NLGN1: variants seen among roughly 807,000 people sequenced by gnomAD.
The protein encoded by NLGN1 is neuroligin-1.
NLGN1 carries 12 observed loss-of-function variants against 65.5 expected under a neutral mutation model. The ratio of observed to expected loss-of-function variants is 0.18; its 90% CI spans 0.12 to 0.30. NLGN1 has a LOEUF of 0.30. Among genes scored for constraint, NLGN1 ranks in the 10% least tolerant of loss-of-function variants. NLGN1 has a pLI of 1.00. For synonymous variants in NLGN1, 350 were observed against 359.5 expected (o/e 0.97, Z 0.30); for missense variants, 750 against 1,007.1 (o/e 0.74, Z 3.46).
At position 174,077,188 on chromosome 3, in the gene NLGN1, G is replaced by GA. The variant is rs536006220; in HGVS notation, c.647-198116dup. ...CAGATAAAAATATATTTCTTTCCAGGAAAAAAAAAAACCTATTCCCACTTT... is the reference window on the plus strand; with the variant it reads ...CAGATAAAAATATATTTCTTTCCAGGAAAAAAAAAAAACCTATTCCCACTTT... On this transcript the variant is annotated intron_variant, in intron 4 of 6. Transcript: ENST00000457714. 2.8e-3 allele frequency among the ~76,000 whole-genome samples: 410 copies of GA among 144,394 alleles called. 1 individual carries two copies. The highest frequency in any genetic ancestry group is 8.8e-3 in the African/African-American group (349 of 39,688). 94.7% of individuals were successfully genotyped at this position (144,394 alleles called of 152,430 possible).
intron 2 of NLGN1, among the ~76,000 whole-genome samples, chr3:173,518,919 C>T (rs1273033927): frequency 1.3e-5 from 2 of 152,088 alleles, no homozygotes; most frequent in Non-Finnish European, 2.9e-5. Flanking sequence ...CACAGCAGCC[C>T]CTCTTTACAG....
At chr3:174,144,686 A>T (rs561662951) in intron 4 of NLGN1, among the ~76,000 whole-genome samples, 1 of 152,100 alleles carries the variant, frequency 6.6e-6, no homozygotes, top group East Asian at 1.9e-4. Context: ...GCTTTTTTTC[A>T]TATGTTTGTT....
intron 4 of NLGN1, among the ~76,000 whole-genome samples, chr3:174,272,918 T>G (rs754207311): frequency 1.3e-4 from 19 of 151,642 alleles, no homozygotes; most frequent in Non-Finnish European, 1.9e-4. Flanking sequence ...TGAACTGAAT[T>G]TATTTTCTTT....
At chr3:173,574,062 C>CAAAAAAAAAAAAAAAAA (rs1192427397) in intron 2 of NLGN1, among the ~76,000 whole-genome samples, 1 of 51,914 alleles carries the variant, frequency 1.9e-5, no homozygotes, top group Non-Finnish European at 3.6e-5. Flanking sequence ...GACTCCACCT[C>CAAAAAAAAAAAAAAAAA]AAAAAAAAAA....
chr3:174,253,599 T>C (rs1297371250), intron 4 of NLGN1, among the ~76,000 whole-genome samples: 2 of 152,180 alleles, frequency 1.3e-5, no homozygotes, highest in Non-Finnish European at 2.9e-5. Flanking sequence ...CAGGAAAATA[T>C]AATGCTTAGT....
Position 173,937,699 on chromosome 3 carries a change from A to G in NLGN1, c.646+129867A>G, listed in dbSNP as rs76316515. On this transcript the variant is annotated intron_variant, in intron 4 of 6. Transcript: ENST00000457714. ...TACTAATCACTTGACAAGTGATTTTATTTATGTCATCTGTAACATCTTTGC... is the reference window on the plus strand; with the variant it reads ...TACTAATCACTTGACAAGTGATTTTGTTTATGTCATCTGTAACATCTTTGC... 1.0e-3 allele frequency among the ~76,000 whole-genome samples: 152 copies of G among 152,234 alleles called. 2 individuals are homozygous for G. In the East Asian group the frequency reaches 0.025, roughly 25 times the overall value.
intron 4 of NLGN1, among the ~76,000 whole-genome samples, chr3:174,210,862 C>T (rs1187575203): frequency 6.6e-6 from 1 of 152,176 alleles, no homozygotes; most frequent in Non-Finnish European, 1.5e-5. Flanking sequence ...GGTTTAGATA[C>T]ACAAATACTT....
At chr3:174,199,936 T>C (rs1000945285) in intron 4 of NLGN1, among the ~76,000 whole-genome samples, 1 of 152,232 alleles carries the variant, frequency 6.6e-6, no homozygotes, top group African/African-American at 2.4e-5. Flanking sequence ...AGCCCACAGT[T>C]ATAGCCAAGT....
intron 4 of NLGN1, among the ~76,000 whole-genome samples, chr3:174,072,757 G>GGA (rs2152536864): frequency 6.6e-6 from 1 of 152,094 alleles, no homozygotes; most frequent in African/African-American, 2.4e-5. Flanking sequence ...GATTCGTTTT[G>GGA]GAGCCCCCCT....
chr3:173,645,577 A>C (rs755313743), intron 3 of NLGN1, among the ~76,000 whole-genome samples: 33 of 152,216 alleles, frequency 2.2e-4, no homozygotes, highest in Admixed American at 4.6e-4. Flanking sequence ...AGTCAGGCCG[A>C]GATGGGCCTT....
At chr3:173,452,046 A>ATG (rs1721655459) in intron 2 of NLGN1, among the ~76,000 whole-genome samples, 1 of 152,168 alleles carries the variant, frequency 6.6e-6, no homozygotes. Context: ...GCTCACGCAC[A>ATG]GTGCACTGCA....
intron 3 of NLGN1, among the ~76,000 whole-genome samples, chr3:173,615,004 G>A (rs1752845739): frequency 6.6e-6 from 1 of 152,046 alleles, no homozygotes; most frequent in African/African-American, 2.4e-5. Flanking sequence ...TATTCCAACT[G>A]ACTCTGAAAG....
intron 2 of NLGN1, among the ~76,000 whole-genome samples, chr3:173,507,136 A>C (rs755895032): frequency 6.6e-6 from 1 of 152,098 alleles, no homozygotes; most frequent in African/African-American, 2.4e-5. Flanking sequence ...TTTTGGATTA[A>C]ATTTTTTCAC....
chr3:173,758,387 G>A (rs905691199), intron 3 of NLGN1, among the ~76,000 whole-genome samples: 3 of 151,994 alleles, frequency 2.0e-5, no homozygotes, highest in African/African-American at 4.8e-5. Context: ...CTAATGTTAT[G>A]TATTTTTTAA....
intron 3 of NLGN1, among the ~76,000 whole-genome samples, chr3:173,702,425 T>C (rs181083315): frequency 8.2e-4 from 125 of 152,270 alleles, no homozygotes; most frequent in African/African-American, 2.9e-3. Flanking sequence ...ATGGTGCCTG[T>C]TGGGAAGACA....
chr3:174,013,207 A>T (rs1172887356), intron 4 of NLGN1, among the ~76,000 whole-genome samples: 1 of 152,134 alleles, frequency 6.6e-6, no homozygotes, highest in African/African-American at 2.4e-5. Context: ...ATTTTCTTTG[A>T]GTTGATAATA....
intron 1 of NLGN1, among the ~76,000 whole-genome samples, chr3:173,401,773 C>A (rs140209671): frequency 6.6e-6 from 1 of 152,060 alleles, no homozygotes; most frequent in Non-Finnish European, 1.5e-5. Flanking sequence ...ACATAAAATT[C>A]GTCTAAATAC....
intron 3 of NLGN1, among the ~76,000 whole-genome samples, chr3:173,631,901 C>CT (rs34004494): frequency 2.0e-5 from 3 of 150,952 alleles, no homozygotes; most frequent in Admixed American, 6.6e-5. Context: ...TTAAAATGTT[C>CT]TTTTTTTTTG....
chr3:173,402,009 G>A (rs887773889), intron 1 of NLGN1, among the ~76,000 whole-genome samples: 3 of 152,104 alleles, frequency 2.0e-5, no homozygotes, highest in Non-Finnish European at 4.4e-5. Context: ...ATTGAATAAA[G>A]CAATAGACTT....
Sources: allele counts gnomAD v4.1 joint callset (sites outside exome capture counted in the v4.1 genomes callset), GRCh38; gene constraint gnomAD v4.1.1; transcripts MANE v1.5; gene names NCBI Gene and HGNC (gene_info 2026-07-23, HGNC 2026-07-21).